The following PCDHA1 variants were observed in gnomAD, a reference collection of about 807,000 sequenced individuals.
The protein encoded by PCDHA1 is protocadherin alpha-1.
PCDHA1 carries 42 observed loss-of-function variants against 61.3 expected under a neutral mutation model. That is an observed-to-expected ratio of 0.69 (90% CI 0.54 to 0.89). The LOEUF (loss-of-function observed/expected upper bound fraction) is 0.89. PCDHA1 is among the 40% of genes least tolerant of loss of function. The probability of loss-of-function intolerance (pLI) is 0.00; values close to 1 mark genes in which losing one functional copy is unlikely to be tolerated. For missense variants in PCDHA1, 1,256 were observed against 1,235.3 expected (o/e 1.02, Z -0.25); for synonymous variants, 610 against 553.8 (o/e 1.10, Z -1.43).
intron 1 of PCDHA1, among the ~76,000 whole-genome samples, chr5:140,901,222 C>A (rs1336015424): frequency 6.6e-6 from 1 of 151,984 alleles, no homozygotes; most frequent in Admixed American, 6.6e-5. Context: ...TGATGTGATC[C>A]CATATATCCA....
intron 1 of PCDHA1, chr5:140,823,233 C>A (rs2150123800): frequency 6.2e-7 from 1 of 1,613,610 alleles, no homozygotes; most frequent in East Asian, 2.2e-5. Context: ...CGCAGGAGAA[C>A]GCCCTGGTGT....
chr5:140,996,232 T>C (rs1054290986), intron 3 of PCDHA1, among the ~76,000 whole-genome samples: 13 of 152,302 alleles, frequency 8.5e-5, no homozygotes, highest in South Asian at 4.1e-4. Flanking sequence ...AAATGGTTGC[T>C]CAAGGCTGAG....
chr5:140,828,337 C>A (rs2150154225), intron 1 of PCDHA1: 1 of 1,614,234 alleles, frequency 6.2e-7, no homozygotes. Flanking sequence ...TGCAGAATGG[C>A]ATTTTGTTTG....
At chr5:140,858,105 C>A (rs782612207) in intron 1 of PCDHA1, 2 of 1,597,672 alleles carry the variant, frequency 1.3e-6, no homozygotes, top group East Asian at 2.2e-5. Context: ...GTGGGCGTGG[C>A]GCCCGAGGTG....
intron 1 of PCDHA1, chr5:140,855,768 T>C (rs1047449445): frequency 1.8e-5 from 7 of 383,760 alleles, no homozygotes; most frequent in East Asian, 1.3e-4. Flanking sequence ...TCCATAGACA[T>C]AAAAATACGT....
At chr5:140,817,223 C>T (rs1352619952) in intron 1 of PCDHA1, 2 of 152,296 alleles carry the variant, frequency 1.3e-5, no homozygotes, top group African/African-American at 2.4e-5. Context: ...TTCTCTTTCC[C>T]TTCTCAGGGA....
intron 1 of PCDHA1, chr5:140,865,093 G>T (rs535527730): frequency 6.6e-6 from 1 of 152,216 alleles, no homozygotes; most frequent in African/African-American, 2.4e-5. Flanking sequence ...TATTAATAAA[G>T]GCACTTCCAC....
intron 1 of PCDHA1, chr5:140,808,708 C>T (rs1212194365): frequency 1.9e-6 from 3 of 1,612,140 alleles, no homozygotes; most frequent in Non-Finnish European, 2.5e-6. Flanking sequence ...TGTCGAGCTA[C>T]GTTTCGGTGC....
chr5:140,827,548 A>AT lies in PCDHA1; in HGVS notation c.2394+38870dup, dbSNP rs2150148168. Among the ~76,000 whole-genome samples, 146 of 152,260 alleles carry AT rather than the reference A, an allele frequency of 9.6e-4. 1 individual carries two copies. Among genetic ancestry groups the AT allele is most frequent in the African/African-American group, 3.4e-3 (141 of 41,546 alleles). On this transcript the variant is annotated intron_variant, in intron 1 of 3. Transcript: ENST00000504120. ...CCAAAATTTGATAATTTTAAGTTAC[A>AT]TTTTTTCCCTAGAGCACTATATAAT...
At chr5:140,964,841 T>G (rs2095857355) in intron 1 of PCDHA1, among the ~76,000 whole-genome samples, 2 of 152,190 alleles carry the variant, frequency 1.3e-5, no homozygotes, top group Non-Finnish European at 2.9e-5. Context: ...CTTCCTACTC[T>G]GTACCCTTGA....
chr5:140,894,886 G>T (rs2153448289), intron 1 of PCDHA1, among the ~76,000 whole-genome samples: 1 of 152,202 alleles, frequency 6.6e-6, no homozygotes, highest in South Asian at 2.1e-4. Flanking sequence ...AGAAGAAACA[G>T]ACCAGGATAA....
Position 140,786,143 on chromosome 5 carries a change from G to T in PCDHA1, c.-148G>T. 1 of 980,248 alleles carries T rather than the reference G, an allele frequency of 1.0e-6. No individual in the cohort carries two copies. The highest frequency in any genetic ancestry group is 1.5e-6 in the Non-Finnish European group (1 of 659,120). 60.7% of individuals were successfully genotyped at this position (980,248 alleles called of 1,614,324 possible). A position where few individuals can be genotyped will look rare whatever the true frequency, so the allele number is the denominator to read the frequency against. On this transcript the variant is annotated 5_prime_UTR_variant, in exon 1 of 4. Coordinates refer to ENST00000504120, the MANE Select transcript of PCDHA1 (RefSeq NM_018900.4). ...GTCTTGTCAATAGAAGGGAGCTACT[G>T]ATCACTAAAAGTGAAGGAGGAAGCT... is the stretch of plus-strand genomic sequence containing the variant.
At chr5:140,852,612 C>A (rs1177069451) in intron 1 of PCDHA1, 1 of 914,612 alleles carries the variant, frequency 1.1e-6, no homozygotes, top group Non-Finnish European at 1.3e-6. Flanking sequence ...TCTTTCAAAA[C>A]TTGAGTGGTC....
At position 140,787,604 on chromosome 5, in the gene PCDHA1, G is replaced by T. The variant is rs782630846; in HGVS notation, c.1314G>T (p.Thr438=). ...GGGGCTCGCCTTCGCTGTGGGCCAC[G>T]GCCAGGGTGTCCGTGGAGGTGGCCG... ...RDGGSPSLWA[T]ARVSVEVADV... Residue 438 remains threonine (T), a synonymous_variant, in exon 1 of 4, where the codon ACG becomes ACT. Coordinates refer to ENST00000504120, the MANE Select transcript of PCDHA1 (RefSeq NM_018900.4). 1.9e-6 allele frequency: 3 copies of T among 1,614,080 alleles called. No homozygotes were observed. The South Asian group carries it at 3.3e-5, about 18-fold the overall frequency.
intron 1 of PCDHA1, among the ~76,000 whole-genome samples, chr5:140,944,520 T>G (rs1554216391): frequency 6.6e-6 from 1 of 152,140 alleles, no homozygotes; most frequent in Non-Finnish European, 1.5e-5. Flanking sequence ...TATTTTGTGC[T>G]TTAAATGATT....
At chr5:140,957,641 T>G (rs1554223056) in intron 1 of PCDHA1, among the ~76,000 whole-genome samples, 1 of 152,110 alleles carries the variant, frequency 6.6e-6, no homozygotes, top group African/African-American at 2.4e-5. Flanking sequence ...AGAAATGCAC[T>G]TAAATATTCA....
chr5:140,810,665 C>A (rs1307676376), intron 1 of PCDHA1: 1 of 122,538 alleles, frequency 8.2e-6, no homozygotes, highest in Non-Finnish European at 1.7e-5. Context: ...TGTTGTTTTT[C>A]TTTTCTTTTT....
chr5:140,796,312 G>C (rs1554119838), intron 1 of PCDHA1: 5 of 1,614,110 alleles, frequency 3.1e-6, no homozygotes, highest in South Asian at 1.1e-5. Flanking sequence ...CGACGTGAAC[G>C]ACAACGCGCC....
chr5:140,881,445 A>C, intron 1 of PCDHA1: 1 of 783,070 alleles, frequency 1.3e-6, no homozygotes, highest in Non-Finnish European at 1.6e-6. Flanking sequence ...TAAAAACAGA[A>C]TCCAAAACCT....
Sources: allele counts gnomAD v4.1 joint callset (sites outside exome capture counted in the v4.1 genomes callset), GRCh38; gene constraint gnomAD v4.1.1; transcripts MANE v1.5; gene names NCBI Gene and HGNC (gene_info 2026-07-23, HGNC 2026-07-21).